The following OCA2 variants were observed in gnomAD, a reference collection of about 807,000 sequenced individuals.
OCA2 encodes the protein OCA2 melanosomal transmembrane protein, also known as P protein.
Under a neutral mutation model 100.2 loss-of-function variants are expected in OCA2, and 77 were observed. The observed-to-expected ratio is 0.77, with a 90% CI of 0.64 to 0.93. OCA2 has a LOEUF of 0.93. OCA2 is among the 40% of genes least tolerant of loss of function. The probability of loss-of-function intolerance (pLI) is 0.00; values close to 1 mark genes in which losing one functional copy is unlikely to be tolerated. For synonymous variants in OCA2, 432 were observed against 439.2 expected, an observed-to-expected ratio of 0.98 and a Z score of 0.21; for missense variants, 1,062 against 1,089.1, an observed-to-expected ratio of 0.98 and a Z score of 0.35.
rs774822330 is a variant in OCA2, at chr15:27,851,397, C to T, written c.2323G>A (p.Gly775Ser). 7 of 1,613,792 alleles carry T rather than the reference C, an allele frequency of 4.3e-6. No homozygotes were observed. Among genetic ancestry groups the T allele is most frequent in the South Asian group, 3.3e-5 (3 of 90,998 alleles). Residue 775 changes from glycine (G) to serine (S), a missense_variant, in exon 22 of 24, where the codon GGT (glycine) becomes AGT (serine). Gly to Ser is a moderately conservative substitution (Grantham distance 56). Coordinates refer to ENST00000354638, the MANE Select transcript of OCA2 (RefSeq NM_000275.3). ...APPLMYALAF[G>S]ACLGGNGTLI... is the part of the protein sequence containing the mutation. ...AGCCCCTTACCTCCCAGGCAAGCAC[C>T]GAAGGCCAGGGCATACATGAGCGGC... is the stretch of plus-strand genomic sequence containing the variant.
chr15:27,977,609 A>G (rs1399018818), intron 14 of OCA2, among the ~76,000 whole-genome samples: 2 of 152,186 alleles, frequency 1.3e-5, no homozygotes, highest in Non-Finnish European at 2.9e-5. Flanking sequence ...TTCTGTTTTC[A>G]CTATAATTCA....
intron 19 of OCA2, among the ~76,000 whole-genome samples, chr15:27,873,171 G>A (rs565823330): frequency 9.9e-5 from 15 of 152,270 alleles, no homozygotes; most frequent in South Asian, 2.1e-4. Context: ...TCTCACCCTC[G>A]CCCTGCTAAC....
intron 9 of OCA2, among the ~76,000 whole-genome samples, chr15:27,995,744 G>T (rs1025463528): frequency 6.6e-6 from 1 of 151,462 alleles, no homozygotes; most frequent in Non-Finnish European, 1.5e-5. Context: ...GAACACAATG[G>T]TATAAAACTA....
chr15:27,986,882 A>G (rs958352612), intron 11 of OCA2, among the ~76,000 whole-genome samples: 8 of 152,176 alleles, frequency 5.3e-5, no homozygotes, highest in Admixed American at 1.3e-4. Flanking sequence ...ATTTGTCCTC[A>G]AGGCACATTA....
intron 1 of OCA2, among the ~76,000 whole-genome samples, chr15:28,082,884 G>C (rs1448744715): frequency 6.6e-6 from 1 of 152,112 alleles, no homozygotes; most frequent in Non-Finnish European, 1.5e-5. Flanking sequence ...TACCTCTAAA[G>C]TAATGCTGTC....
chr15:27,841,355 G>A lies in OCA2; in HGVS notation c.2432+3604C>T, dbSNP rs947917599. Among the ~76,000 whole-genome samples, 22 of 152,310 alleles carry A rather than the reference G, an allele frequency of 1.4e-4. No individual in the cohort carries two copies. In the East Asian group the frequency reaches 4.2e-3, roughly 29 times the overall value. ...CAGCATAAGGGTGCCTTGTAGCAAT[G>A]GAACTCTTCTGTGCCTTGACTGCAT... On this transcript the variant is annotated intron_variant, in intron 23 of 23. Transcript: ENST00000354638.
intron 19 of OCA2, among the ~76,000 whole-genome samples, chr15:27,900,181 G>A (rs1324112745): frequency 6.6e-6 from 1 of 152,166 alleles, no homozygotes; most frequent in Non-Finnish European, 1.5e-5. Flanking sequence ...TAGAGAGCAT[G>A]TGCAATTTGA....
At chr15:27,743,956 A>G in the OCA2 span, among the ~76,000 whole-genome samples, 26 of 152,200 alleles carry the variant, frequency 1.7e-4, no homozygotes, top group East Asian at 3.5e-3. Context: ...CCTGGCCACA[A>G]ATGCTTCCCT....
At chr15:27,756,274 A>G (rs1172224298) in intron 23 of OCA2, among the ~76,000 whole-genome samples, 1 of 152,240 alleles carries the variant, frequency 6.6e-6, no homozygotes, top group Non-Finnish European at 1.5e-5. Context: ...GCATGTGGCA[A>G]TTATAAAGAC....
chr15:27,931,224 G>GA lies in OCA2; in HGVS notation c.1952-4971dup, dbSNP rs35703308. The stretch of plus-strand genomic sequence containing the variant: ...TCTCAATTGTTTACGTATTTGAGGG[G>GA]AAAAAAAAATCTCTTAAATAAGAAT... On this transcript the variant is annotated intron_variant, in intron 18 of 23. Transcript: ENST00000354638. Among the ~76,000 whole-genome samples the GA allele has an allele frequency of 1.8e-4, 28 of 151,926 alleles. No homozygotes were observed. In the East Asian group the frequency reaches 2.3e-3, roughly 13 times the overall value.
chr15:27,862,158 G>A (rs568352111), intron 21 of OCA2, among the ~76,000 whole-genome samples: 20 of 150,756 alleles, frequency 1.3e-4, no homozygotes, highest in African/African-American at 4.4e-4. Flanking sequence ...GACAGAAAGC[G>A]CGGTCGTCAG....
intron 14 of OCA2, among the ~76,000 whole-genome samples, chr15:27,972,865 TTTATTTTATTTTA>T (rs1567177310): frequency 2.2e-4 from 12 of 55,434 alleles, no homozygotes; most frequent in Non-Finnish European, 7.2e-4. Context: ...TTTATTTTAT[TTTATTTTATTTTA>T]TTTTTGTGAC....
chr15:27,805,927 G>A (rs1225574004), intron 23 of OCA2, among the ~76,000 whole-genome samples: 2 of 152,184 alleles, frequency 1.3e-5, no homozygotes, highest in Admixed American at 6.5e-5. Flanking sequence ...CCTGGCCTCC[G>A]CCCGCCTCCA....
chr15:27,853,483 T>G, intron 21 of OCA2, among the ~76,000 whole-genome samples: 1 of 144,956 alleles, frequency 6.9e-6, no homozygotes, highest in African/African-American at 2.6e-5. Context: ...AAATGACGAG[T>G]TAATGGGTGC....
the OCA2 span, among the ~76,000 whole-genome samples, chr15:27,729,091 A>C: frequency 6.6e-6 from 1 of 152,076 alleles, no homozygotes; most frequent in East Asian, 1.9e-4. Context: ...GCTTTCTGCT[A>C]TTGGCCCCCT....
chr15:27,953,838 A>G (rs1439631431), intron 17 of OCA2, among the ~76,000 whole-genome samples: 2 of 150,978 alleles, frequency 1.3e-5, no homozygotes, highest in Non-Finnish European at 2.9e-5. Context: ...GTGATTTCTG[A>G]GATTTTTGGT....
intron 12 of OCA2, among the ~76,000 whole-genome samples, chr15:27,985,917 T>C (rs1001989432): frequency 8.5e-5 from 13 of 152,218 alleles, no homozygotes; most frequent in African/African-American, 3.1e-4. Flanking sequence ...GGTCTCAACC[T>C]CTTGACCTCG....
chr15:27,850,831 C>CG (rs2035721344), intron 22 of OCA2, among the ~76,000 whole-genome samples: 3 of 152,150 alleles, frequency 2.0e-5, no homozygotes, highest in Non-Finnish European at 4.4e-5. Context: ...GAGAAGGACT[C>CG]CCCCGCTGTT....
chr15:28,065,687 T>C (rs1200447824), intron 2 of OCA2, among the ~76,000 whole-genome samples: 2 of 152,156 alleles, frequency 1.3e-5, no homozygotes, highest in African/African-American at 2.4e-5. Flanking sequence ...GCTTTGGGGA[T>C]TATTTTGTAT....
Sources: allele counts gnomAD v4.1 joint callset (sites outside exome capture counted in the v4.1 genomes callset), GRCh38; gene constraint gnomAD v4.1.1; transcripts MANE v1.5; gene names NCBI Gene and HGNC (gene_info 2026-07-23, HGNC 2026-07-21).